SOX6: variants seen among roughly 807,000 people sequenced by gnomAD.
SOX6 encodes the protein transcription factor SOX-6.
Under a neutral mutation model 97.8 loss-of-function variants are expected in SOX6, and 11 were observed. That is an observed-to-expected ratio of 0.11 (90% CI 0.07 to 0.19). The LOEUF (loss-of-function observed/expected upper bound fraction) is 0.19, where lower values mean the gene tolerates loss of function less well. SOX6 is among the 10% of genes least tolerant of loss of function. The pLI is 1.00. For missense variants in SOX6, 810 were observed against 1,039.5 expected (o/e 0.78, Z 3.04); for synonymous variants, 360 against 371.4 (o/e 0.97, Z 0.35).
intron 1 of SOX6, among the ~76,000 whole-genome samples, chr11:16,365,487 A>G (rs1204692176): frequency 1.3e-5 from 2 of 152,216 alleles, no homozygotes; most frequent in Non-Finnish European, 2.9e-5. Context: ...CAAAAACAAC[A>G]TTCTTGATCA....
In SOX6 at chr11:16,356,290, A is replaced by C. The variant is rs1857071351; in HGVS notation, c.-201T>G. On this transcript the variant is annotated 5_prime_UTR_variant, in exon 1 of 16. Transcript: ENST00000683767. ...GTCTCAGGCTACCAATTGTAGCCAT[A>C]ACTTTAAGCAACATCTAATTTGCTA... Among the ~76,000 whole-genome samples the C allele has an allele frequency of 6.6e-6, 1 of 152,158 alleles. No individual in the cohort carries two copies. Among genetic ancestry groups the C allele is most frequent in the African/African-American group, 2.4e-5 (1 of 41,466 alleles).
intron 1 of SOX6, among the ~76,000 whole-genome samples, chr11:16,456,858 G>A (rs1194914819): frequency 6.6e-6 from 1 of 152,038 alleles, no homozygotes; most frequent in African/African-American, 2.4e-5. Flanking sequence ...CACCTTCAAA[G>A]TTCCCATATA....
Position 16,324,270 on chromosome 11 carries a change from A to T in SOX6, c.238-5617T>A, listed in dbSNP as rs1354722712. 3.3e-5 allele frequency among the ~76,000 whole-genome samples: 5 copies of T among 152,266 alleles called. No homozygotes were observed. In the South Asian group the frequency reaches 1.0e-3, roughly 32 times the overall value. On this transcript the variant is annotated intron_variant, in intron 2 of 15. Transcript: ENST00000683767. ...AACAATGACAGGATTGCTTAAGCTAAACATTTAGAACTGAGATATTAAAAC... is the reference window on the plus strand; with the variant it reads ...AACAATGACAGGATTGCTTAAGCTATACATTTAGAACTGAGATATTAAAAC...
At chr11:16,225,189 GTT>G (rs1378142256) in intron 4 of SOX6, among the ~76,000 whole-genome samples, 3 of 151,888 alleles carry the variant, frequency 2.0e-5, no homozygotes, top group Non-Finnish European at 4.4e-5. Flanking sequence ...GATAGTTACT[GTT>G]TTGATACTTT....
chr11:16,422,537 C>T (rs937114253), intron 1 of SOX6, among the ~76,000 whole-genome samples: 1 of 152,108 alleles, frequency 6.6e-6, no homozygotes, highest in African/African-American at 2.4e-5. Context: ...GTGATAAGGG[C>T]CTTTTGAGAA....
Position 15,986,439 on chromosome 11 carries a change from T to G in SOX6, c.1967-19A>C. On this transcript the variant is annotated intron_variant, in intron 14 of 15. Transcript: ENST00000683767. ...CGAGATCCTAGAAATAAAAATAGCC[T>G]TAAGTACCCAAGTGGTCAAGGCAAC... 1 of 1,612,950 alleles carries G rather than the reference T, an allele frequency of 6.2e-7. No homozygotes were observed. The highest frequency in any genetic ancestry group is 8.5e-7 in the Non-Finnish European group (1 of 1,179,122).
chr11:16,064,424 C>T (rs576054131), intron 9 of SOX6, among the ~76,000 whole-genome samples: 5 of 145,776 alleles, frequency 3.4e-5, no homozygotes, highest in South Asian at 2.1e-4. Flanking sequence ...GAATCCACCC[C>T]GGAAAGAAAG....
At chr11:16,233,064 A>C (rs966955813) in intron 4 of SOX6, among the ~76,000 whole-genome samples, 3 of 152,184 alleles carry the variant, frequency 2.0e-5, no homozygotes, top group Non-Finnish European at 4.4e-5. Context: ...TGAACATGAC[A>C]TGCCTGAAAA....
At chr11:16,559,960 A>C (rs896080524) in intron 4 of SOX6, among the ~76,000 whole-genome samples, 1 of 152,040 alleles carries the variant, frequency 6.6e-6, no homozygotes, top group African/African-American at 2.4e-5. Context: ...ATTTTTGGTT[A>C]TTTTATTTTG....
chr11:16,392,023 G>A (rs576760572), intron 1 of SOX6, among the ~76,000 whole-genome samples: 10 of 152,060 alleles, frequency 6.6e-5, no homozygotes, highest in Non-Finnish European at 1.3e-4. Context: ...TATGTAGAAG[G>A]AAATGAGATA....
At chr11:16,401,602 T>C (rs749144782) in intron 1 of SOX6, among the ~76,000 whole-genome samples, 1 of 151,576 alleles carries the variant, frequency 6.6e-6, no homozygotes, top group Non-Finnish European at 1.5e-5. Context: ...TCATTTCAAC[T>C]TTCCAGTCTC....
intron 3 of SOX6, among the ~76,000 whole-genome samples, chr11:16,712,296 T>C (rs1039398838): frequency 2.6e-5 from 4 of 152,206 alleles, no homozygotes; most frequent in African/African-American, 9.6e-5. Flanking sequence ...ATGGTTGTTC[T>C]CCTTTTAGTT....
At chr11:16,533,058 A>C (rs1197131056) in intron 4 of SOX6, among the ~76,000 whole-genome samples, 1 of 151,920 alleles carries the variant, frequency 6.6e-6, no homozygotes, top group Non-Finnish European at 1.5e-5. Flanking sequence ...AAATCACTAA[A>C]TTAAAATTTC....
chr11:16,622,517 A>G (rs1242235757), intron 3 of SOX6, among the ~76,000 whole-genome samples: 2 of 152,092 alleles, frequency 1.3e-5, no homozygotes, highest in African/African-American at 4.8e-5. Flanking sequence ...AGACCATACG[A>G]TGTTTGGTTT....
intron 4 of SOX6, among the ~76,000 whole-genome samples, chr11:16,530,672 A>G (rs1342344862): frequency 6.6e-6 from 1 of 152,028 alleles, no homozygotes; most frequent in East Asian, 1.9e-4. Context: ...AATAGGAAAT[A>G]TTCCTGCGAA....
At chr11:16,539,844 A>G (rs1382437981) in intron 4 of SOX6, among the ~76,000 whole-genome samples, 1 of 152,160 alleles carries the variant, frequency 6.6e-6, no homozygotes, top group Non-Finnish European at 1.5e-5. Flanking sequence ...CTACCAACCA[A>G]AAAAAGTCCA....
chr11:16,568,208 A>T (rs552499876), intron 4 of SOX6, among the ~76,000 whole-genome samples: 3 of 151,882 alleles, frequency 2.0e-5, no homozygotes, highest in Admixed American at 6.6e-5. Flanking sequence ...ATTCCAAAAT[A>T]AAAAAAAATC....
At chr11:16,381,002 T>C (rs910843234) in intron 1 of SOX6, among the ~76,000 whole-genome samples, 1 of 82,634 alleles carries the variant, frequency 1.2e-5, no homozygotes, top group African/African-American at 4.2e-5. Context: ...GTCTTTAAAC[T>C]TACAGTAAAA....
intron 6 of SOX6, among the ~76,000 whole-genome samples, chr11:16,136,566 T>A (rs945487800): frequency 6.6e-6 from 1 of 151,912 alleles, no homozygotes; most frequent in Non-Finnish European, 1.5e-5. Context: ...TTTTTGAAAA[T>A]TTTTTTGTAG....
Sources: allele counts gnomAD v4.1 joint callset (sites outside exome capture counted in the v4.1 genomes callset), GRCh38; gene constraint gnomAD v4.1.1; transcripts MANE v1.5; gene names NCBI Gene and HGNC (gene_info 2026-07-23, HGNC 2026-07-21).